The following ASAP1 variants were observed in gnomAD, a reference collection of about 807,000 sequenced individuals.
ASAP1 encodes ArfGAP with SH3 domain, ankyrin repeat and PH domain 1, also known as arf-GAP with SH3 domain, ANK repeat and PH domain-containing protein 1.
A neutral mutation model predicts 145.2 loss-of-function variants in ASAP1; 43 were observed. The observed-to-expected ratio is 0.30, with a 90% CI of 0.23 to 0.38. The LOEUF (loss-of-function observed/expected upper bound fraction) is 0.38. Ranked by LOEUF, ASAP1 falls within the 10% of genes least tolerant of loss-of-function variation. The pLI is 1.00. For synonymous variants in ASAP1, 546 were observed against 515.5 expected (o/e 1.06, Z -0.80); for missense variants, 1,018 against 1,355.3 (o/e 0.75, Z 3.91).
intron 1 of ASAP1, among the ~76,000 whole-genome samples, chr8:130,443,042 T>C (rs1354720373): frequency 6.6e-6 from 1 of 151,886 alleles, no homozygotes; most frequent in Non-Finnish European, 1.5e-5. Flanking sequence ...CGGGGAACTT[T>C]CCTCGGCTGC....
At chr8:130,057,161 G>A (rs1330185619) in intron 29 of ASAP1, among the ~76,000 whole-genome samples, 2 of 152,194 alleles carry the variant, frequency 1.3e-5, no homozygotes, top group Non-Finnish European at 2.9e-5. Context: ...TGAGTCTGAG[G>A]ACTTGTCAAC....
chr8:130,311,899 A>G (rs781494827), intron 3 of ASAP1, among the ~76,000 whole-genome samples: 1 of 152,198 alleles, frequency 6.6e-6, no homozygotes, highest in African/African-American at 2.4e-5. Context: ...CAACTCAAAA[A>G]AAAATAGTAA....
At chr8:130,280,059 AAG>A (rs1207520317) in intron 3 of ASAP1, among the ~76,000 whole-genome samples, 6 of 152,200 alleles carry the variant, frequency 3.9e-5, no homozygotes, top group African/African-American at 1.4e-4. Flanking sequence ...GGTCATCAAA[AAG>A]AGATAGGCAG....
intron 3 of ASAP1, among the ~76,000 whole-genome samples, chr8:130,237,437 T>A (rs916657272): frequency 6.6e-6 from 1 of 152,066 alleles, no homozygotes; most frequent in Non-Finnish European, 1.5e-5. Context: ...AGGGGTATAA[T>A]GAGTAGGAAT....
intron 11 of ASAP1, among the ~76,000 whole-genome samples, chr8:130,161,175 G>A (rs2097668353): frequency 6.6e-6 from 1 of 152,080 alleles, no homozygotes; most frequent in South Asian, 2.1e-4. Flanking sequence ...TCTAGGAATA[G>A]CCACAAATTG....
At chr8:130,313,858 C>G (rs775595609) in intron 3 of ASAP1, among the ~76,000 whole-genome samples, 2 of 152,112 alleles carry the variant, frequency 1.3e-5, no homozygotes, top group African/African-American at 2.4e-5. Flanking sequence ...AAAGCAGCAG[C>G]CTGTCTGCAG....
At chr8:130,313,078 T>C (rs1365575613) in intron 3 of ASAP1, among the ~76,000 whole-genome samples, 1 of 152,194 alleles carries the variant, frequency 6.6e-6, no homozygotes, top group Non-Finnish European at 1.5e-5. Context: ...TAGGTTTTCA[T>C]GGAAGAATCA....
intron 7 of ASAP1, among the ~76,000 whole-genome samples, chr8:130,181,136 C>T (rs1015053543): frequency 2.6e-5 from 4 of 152,142 alleles, no homozygotes; most frequent in African/African-American, 9.7e-5. Flanking sequence ...AAACCACACT[C>T]ATGTCTTCCC....
At chr8:130,086,285 C>T (rs2097492907) in intron 25 of ASAP1, among the ~76,000 whole-genome samples, 2 of 152,214 alleles carry the variant, frequency 1.3e-5, no homozygotes, top group South Asian at 4.1e-4. Flanking sequence ...AATCACTTAA[C>T]CTTTCTGCGC....
intron 24 of ASAP1, among the ~76,000 whole-genome samples, chr8:130,099,319 C>T (rs1564957046): frequency 2.0e-5 from 3 of 151,922 alleles, no homozygotes; most frequent in African/African-American, 4.8e-5. Context: ...GCTGGGACTA[C>T]AGGTGCCTGC....
chr8:130,439,813 C>A (rs1830433156), intron 1 of ASAP1, among the ~76,000 whole-genome samples: 1 of 152,224 alleles, frequency 6.6e-6, no homozygotes. Context: ...CTGGCAGCTC[C>A]ACAGCAGGCT....
chr8:130,364,783 G>A (rs1481421001), intron 2 of ASAP1, among the ~76,000 whole-genome samples: 1 of 152,112 alleles, frequency 6.6e-6, no homozygotes, highest in South Asian at 2.1e-4. Context: ...AGGAGAAACT[G>A]AGAACTTCCT....
At chr8:130,059,526 G>A (rs889045063) in intron 28 of ASAP1, among the ~76,000 whole-genome samples, 1 of 152,046 alleles carries the variant, frequency 6.6e-6, no homozygotes, top group South Asian at 2.1e-4. Flanking sequence ...GTAGTGGTGT[G>A]ATCACAGCAG....
intron 27 of ASAP1, among the ~76,000 whole-genome samples, chr8:130,072,791 ATATGTGTGTGTG>A (rs2097450096): frequency 1.1e-5 from 1 of 91,164 alleles, no homozygotes. Context: ...CTTGCAATTG[ATATGTGTGTGTG>A]TGTGTGTGTG....
At chr8:130,229,358 C>T (rs1160799487) in intron 4 of ASAP1, among the ~76,000 whole-genome samples, 1 of 152,170 alleles carries the variant, frequency 6.6e-6, no homozygotes, top group African/African-American at 2.4e-5. Context: ...TTCTTTGCTA[C>T]AGTTTAAGTG....
At chr8:130,065,048 T>C (rs1287880755) in intron 27 of ASAP1, among the ~76,000 whole-genome samples, 1 of 151,882 alleles carries the variant, frequency 6.6e-6, no homozygotes, top group Non-Finnish European at 1.5e-5. Context: ...CTATTTTTGT[T>C]TTTATTATTA....
intron 3 of ASAP1, among the ~76,000 whole-genome samples, chr8:130,341,769 T>C (rs1825396982): frequency 6.6e-6 from 1 of 152,152 alleles, no homozygotes; most frequent in South Asian, 2.1e-4. Context: ...ACGAACAGGC[T>C]TTAGGGAAGT....
chr8:130,202,218 C>T (rs1481244371), intron 5 of ASAP1, among the ~76,000 whole-genome samples: 1 of 152,140 alleles, frequency 6.6e-6, no homozygotes, highest in Admixed American at 6.6e-5. Context: ...TATTTCAAAG[C>T]TTCCCTTGCA....
intron 3 of ASAP1, among the ~76,000 whole-genome samples, chr8:130,254,737 A>G (rs1819407951): frequency 6.6e-6 from 1 of 152,180 alleles, no homozygotes; most frequent in South Asian, 2.1e-4. Flanking sequence ...CAATTTGTAA[A>G]GAGAAGTTAC....
Sources: allele counts gnomAD v4.1 joint callset (sites outside exome capture counted in the v4.1 genomes callset), GRCh38; gene constraint gnomAD v4.1.1; transcripts MANE v1.5; gene names NCBI Gene and HGNC (gene_info 2026-07-23, HGNC 2026-07-21).